The following ELAVL1 variants were observed in gnomAD, a reference collection of about 807,000 sequenced individuals.
ELAVL1 encodes ELAV like RNA binding protein 1.
In ELAVL1, 1 loss-of-function variant was observed where a neutral mutation model predicts 28.4. The ratio of observed to expected loss-of-function variants is 0.04; its 90% CI spans 0.01 to 0.17. ELAVL1 has a LOEUF of 0.17. Ranked by LOEUF, ELAVL1 falls within the 10% of genes least tolerant of loss-of-function variation. ELAVL1 has a pLI of 1.00. For synonymous variants in ELAVL1, 174 were observed against 183.5 expected (o/e 0.95, Z 0.42); for missense variants, 157 against 447.2 (o/e 0.35, Z 5.85).
At position 7,982,942 on chromosome 19, in the gene ELAVL1, T is replaced by C. The variant is rs1985501072; in HGVS notation, c.173-1756A>G. Among the ~76,000 whole-genome samples the C allele has an allele frequency of 6.6e-6, 1 of 152,258 alleles. No homozygotes were observed. The highest frequency in any genetic ancestry group is 2.4e-5 in the African/African-American group (1 of 41,468). The stretch of plus-strand genomic sequence containing the variant: ...GGGCACAGGCCGTCAACGTGACTTA[T>C]GGCTGCTGGTGCTGACCGTGATCAC... On this transcript the variant is annotated intron_variant, in intron 2 of 5. Coordinates refer to ENST00000407627, the MANE Select transcript of ELAVL1 (RefSeq NM_001419.3). This position sits in a 1 kb window ranked among gnomAD's most constrained non-coding sequence, Gnocchi z 4.3.
At chr19:7,972,258 G>A (rs943166078) in intron 4 of ELAVL1, among the ~76,000 whole-genome samples, 3 of 152,226 alleles carry the variant, frequency 2.0e-5, no homozygotes, top group African/African-American at 4.8e-5. Flanking sequence ...TCCCCCAGGC[G>A]GGGCCACGTG....
intron 1 of ELAVL1, among the ~76,000 whole-genome samples, chr19:8,003,381 G>GAAAAAA (rs71165249): frequency 1.3e-3 from 116 of 88,440 alleles, no homozygotes; most frequent in East Asian, 3.0e-3. Flanking sequence ...AAAAGAAAAA[G>GAAAAAA]AAAAAAAAAA....
rs934130529 is a variant in ELAVL1 at position 7,973,970 on chromosome 19, CTG to C, written c.277-94_277-93del. 69 of 1,483,284 alleles carry C rather than the reference CTG, an allele frequency of 4.7e-5. No individual in the cohort carries two copies. In the Middle Eastern group the frequency reaches 5.3e-4, roughly 11 times the overall value. The allele number at this position is 1,483,284 out of a possible 1,614,324, so 91.9% of individuals were successfully genotyped here. On this transcript the variant is annotated intron_variant, in intron 3 of 5. Coordinates refer to ENST00000407627, the MANE Select transcript of ELAVL1 (RefSeq NM_001419.3). ...AATGCTGGGTTAGGAAAAGCCAACA[CTG>C]TGTGTTAGAAATCATGCAGGGAACG...
At chr19:7,998,152 C>A (rs2081055705) in intron 1 of ELAVL1, among the ~76,000 whole-genome samples, 1 of 152,118 alleles carries the variant, frequency 6.6e-6, no homozygotes, top group African/African-American at 2.4e-5. Context: ...GGCCCCCACC[C>A]CACTCTCTGG....
chr19:7,980,559 C>CT (rs1985431866), intron 3 of ELAVL1, among the ~76,000 whole-genome samples: 1 of 152,178 alleles, frequency 6.6e-6, no homozygotes, highest in Non-Finnish European at 1.5e-5. Flanking sequence ...CCCTGGGCTG[C>CT]TGCACAGTTG....
At chr19:7,992,177 G>T (rs1394064580) in intron 1 of ELAVL1, among the ~76,000 whole-genome samples, 1 of 152,130 alleles carries the variant, frequency 6.6e-6, no homozygotes, top group Non-Finnish European at 1.5e-5. Context: ...CTGAACTCAG[G>T]TGATCCACCT....
chr19:7,970,258 C>T (rs373688917), intron 4 of ELAVL1, among the ~76,000 whole-genome samples: 29 of 152,046 alleles, frequency 1.9e-4, no homozygotes, highest in African/African-American at 3.1e-4. Context: ...CAGGTTCAAA[C>T]GATACTCCTG....
At chr19:7,995,680 C>T (rs1240737779) in intron 1 of ELAVL1, among the ~76,000 whole-genome samples, 1 of 151,992 alleles carries the variant, frequency 6.6e-6, no homozygotes, top group Non-Finnish European at 1.5e-5. Flanking sequence ...ATCTGCCGAC[C>T]TCTGTTTTAA....
rs1173923568 is a variant in ELAVL1 at position 7,987,122 on chromosome 19, G to T, written c.172+4522C>A. On this transcript the variant is annotated intron_variant, in intron 2 of 5. Coordinates refer to ENST00000407627, the MANE Select transcript of ELAVL1 (RefSeq NM_001419.3). The stretch of plus-strand genomic sequence containing the variant: ...GAGCCTGACCGGGGGGTGCCGGGGG[G>T]GGGGGAGGGTGCAGCAAGTGGGGAG... 8.0e-5 allele frequency among the ~76,000 whole-genome samples: 12 copies of T among 149,504 alleles called. No individual in the cohort carries two copies. In the South Asian group the frequency reaches 8.6e-4, roughly 11 times the overall value.
At chr19:7,990,903 T>C (rs1476818807) in intron 2 of ELAVL1, among the ~76,000 whole-genome samples, 1 of 152,144 alleles carries the variant, frequency 6.6e-6, no homozygotes, top group South Asian at 2.1e-4. Flanking sequence ...AGCCATGCTC[T>C]CAGAATGGAG....
chr19:7,967,110 A>C (rs898110722), intron 5 of ELAVL1, among the ~76,000 whole-genome samples: 5 of 151,338 alleles, frequency 3.3e-5, no homozygotes, highest in Non-Finnish European at 5.9e-5. Context: ...ATCACAACTC[A>C]CTGCAGCCTC....
chr19:7,987,226 G>A (rs796184483), intron 2 of ELAVL1, among the ~76,000 whole-genome samples: 6 of 152,140 alleles, frequency 3.9e-5, no homozygotes, highest in East Asian at 1.9e-4. Context: ...CTTGGGCAGC[G>A]GTGTGGGCTT....
At chr19:7,974,531 C>A (rs1004584959) in intron 3 of ELAVL1, among the ~76,000 whole-genome samples, 2 of 152,160 alleles carry the variant, frequency 1.3e-5, no homozygotes, top group South Asian at 2.1e-4. Flanking sequence ...CAATGCAAGA[C>A]AAGGTCTTCG....
chr19:7,972,304 C>G (rs886412944), intron 4 of ELAVL1, among the ~76,000 whole-genome samples: 1 of 152,242 alleles, frequency 6.6e-6, no homozygotes. Context: ...GGCACTAGTT[C>G]CTAGCCTAGT....
intron 1 of ELAVL1, among the ~76,000 whole-genome samples, chr19:8,000,457 C>T (rs185993168): frequency 6.6e-5 from 10 of 152,290 alleles, no homozygotes; most frequent in African/African-American, 2.2e-4. Flanking sequence ...TGCACCATGA[C>T]GGAGCAGGTA....
chr19:7,978,750 C>T (rs1335476953), intron 3 of ELAVL1, among the ~76,000 whole-genome samples: 2 of 152,100 alleles, frequency 1.3e-5, no homozygotes, highest in Non-Finnish European at 1.5e-5. Flanking sequence ...GGCCTGGGGT[C>T]CCCCAAAGGG....
chr19:7,967,532 T>C, intron 5 of ELAVL1, 33 bp downstream of exon 5: 3 of 1,604,758 alleles, frequency 1.9e-6, no homozygotes, highest in Non-Finnish European at 2.6e-6. Flanking sequence ...GGGCTAAGTA[T>C]GGCTTTCAGG....
At chr19:7,996,579 G>A (rs1275843005) in intron 1 of ELAVL1, among the ~76,000 whole-genome samples, 1 of 151,992 alleles carries the variant, frequency 6.6e-6, no homozygotes, top group African/African-American at 2.4e-5. Context: ...GCCGAGGTGG[G>A]TGGATCACCT....
rs1985759331 is a variant in ELAVL1, at chr19:7,991,830, A to C, written c.-15T>G. On this transcript the variant is annotated splice_region_variant and 5_prime_UTR_variant, in exon 2 of 6. Transcript: ENST00000407627. ...CCATTAGACATTGTATTTTTCAAAAATCTGCCAAGAGAAAAAGAGCAAGTA... is the reference window on the plus strand; with the variant it reads ...CCATTAGACATTGTATTTTTCAAAACTCTGCCAAGAGAAAAAGAGCAAGTA... The C allele has an allele frequency of 3.2e-6, 5 of 1,581,696 alleles. No homozygotes were observed. In the East Asian group the frequency reaches 1.1e-4, roughly 36 times the overall value.
Sources: gnomAD v4.1 joint callset for allele counts (sites outside exome capture counted in the v4.1 genomes callset) on GRCh38, gnomAD v4.1.1 for gene constraint, Gnocchi (gnomAD v3.1) non-coding constraint, MANE v1.5 for transcripts, NCBI Gene and HGNC (gene_info 2026-07-23, HGNC 2026-07-21) for gene names.